Variants in GPBP1 observed in about 807,000 individuals in gnomAD.
GPBP1 encodes GC-rich promoter binding protein 1, also known as vasculin.
Under a neutral mutation model 56.5 loss-of-function variants are expected in GPBP1, and 13 were observed. That is an observed-to-expected ratio of 0.23 (90% CI 0.15 to 0.37). GPBP1 has a LOEUF of 0.37. Among genes scored for constraint, GPBP1 ranks in the 10% least tolerant of loss-of-function variants. GPBP1 has a pLI of 1.00. For synonymous variants in GPBP1, 204 were observed against 188.9 expected, an observed-to-expected ratio of 1.08 and a Z score of -0.66; for missense variants, 477 against 572.3, an observed-to-expected ratio of 0.83 and a Z score of 1.70.
chr5:57,257,194 C>T (rs1025297882), intron 10 of GPBP1, among the ~76,000 whole-genome samples: 2 of 152,130 alleles, frequency 1.3e-5, no homozygotes, highest in African/African-American at 4.8e-5. Flanking sequence ...GCCACAACAC[C>T]TGGCTAATTT....
intron 2 of GPBP1, among the ~76,000 whole-genome samples, chr5:57,176,804 T>G (rs1216798996): frequency 6.6e-6 from 1 of 152,224 alleles, no homozygotes; most frequent in Non-Finnish European, 1.5e-5. Context: ...GGTAGCCAGT[T>G]GACTTTGCAA....
intron 2 of GPBP1, among the ~76,000 whole-genome samples, chr5:57,191,998 T>C (rs993155259): frequency 6.6e-6 from 1 of 152,234 alleles, no homozygotes; most frequent in African/African-American, 2.4e-5. Flanking sequence ...CACAGAGCTT[T>C]AATTATTTTT....
In GPBP1 at chr5:57,175,574, T is replaced by G; in HGVS notation, c.-884T>G. ...TTTTGCCCCAGAAGTTTATTAAAAT[T>G]GGCAAGAATCGTCTGTGAAGTGAAT... is the stretch of plus-strand genomic sequence containing the variant. On this transcript the variant is annotated 5_prime_UTR_variant, in exon 2 of 12. It adds an upstream start codon to the 5' untranslated region. Transcript: ENST00000506184. 1 of 398,352 alleles carries G rather than the reference T, an allele frequency of 2.5e-6. No homozygotes were observed. The highest frequency in any genetic ancestry group is 4.4e-6 in the Non-Finnish European group (1 of 225,948). 24.7% of individuals were successfully genotyped at this position (398,352 alleles called of 1,614,324 possible). A position where few individuals can be genotyped will look rare whatever the true frequency, so the allele number is the denominator to read the frequency against.
At chr5:57,225,157 A>G (rs1329456730) in intron 3 of GPBP1, among the ~76,000 whole-genome samples, 1 of 152,138 alleles carries the variant, frequency 6.6e-6, no homozygotes, top group Non-Finnish European at 1.5e-5. Context: ...AAAAAGGAAG[A>G]TAGAAAACTG....
intron 10 of GPBP1, among the ~76,000 whole-genome samples, chr5:57,257,313 G>T (rs1051812915): frequency 2.0e-5 from 3 of 152,224 alleles, no homozygotes; most frequent in Non-Finnish European, 4.4e-5. Flanking sequence ...GGGATTACAG[G>T]CGTGAGCCAC....
chr5:57,175,417 C>G (rs928327419), intron 1 of GPBP1, 31 bp from the exon 2 acceptor site: 1 of 398,244 alleles, frequency 2.5e-6, no homozygotes, highest in Non-Finnish European at 4.4e-6. Flanking sequence ...AATCAAAACT[C>G]AGTATATAAT....
At chr5:57,184,399 T>C (rs1029947159) in intron 2 of GPBP1, among the ~76,000 whole-genome samples, 2 of 152,134 alleles carry the variant, frequency 1.3e-5, no homozygotes, top group African/African-American at 4.8e-5. Flanking sequence ...TGGCATCTGC[T>C]TGGCTTCTGG....
intron 4 of GPBP1, 33 bp downstream of exon 4, chr5:57,231,002 A>G: frequency 6.3e-7 from 1 of 1,585,546 alleles, no homozygotes; most frequent in Non-Finnish European, 8.6e-7. Context: ...GTTTATGGCT[A>G]ATTTTCTTTA....
chr5:57,227,033 C>G (rs1756230309), intron 3 of GPBP1, among the ~76,000 whole-genome samples: 1 of 151,652 alleles, frequency 6.6e-6, no homozygotes, highest in African/African-American at 2.4e-5. Flanking sequence ...GCCACCGTGC[C>G]CGGCCTGTAT....
At chr5:57,235,844 A>G (rs73127790) in intron 5 of GPBP1, 122 bp from the exon 6 acceptor site, 5 of 713,166 alleles carry the variant, frequency 7.0e-6, no homozygotes, top group Non-Finnish European at 9.6e-6. Context: ...GATTAGGGTT[A>G]TTCAACCTGT....
intron 2 of GPBP1, among the ~76,000 whole-genome samples, chr5:57,192,753 C>CAAAAAAAAA (rs70999061): frequency 9.7e-6 from 1 of 103,250 alleles, no homozygotes; most frequent in Admixed American, 1.1e-4. Flanking sequence ...AACTCCGTCT[C>CAAAAAAAAA]AAAAAAAAAA....
chr5:57,179,645 T>C (rs1394540805), intron 2 of GPBP1, among the ~76,000 whole-genome samples: 1 of 152,142 alleles, frequency 6.6e-6, no homozygotes, highest in African/African-American at 2.4e-5. Context: ...TTGCTGAGGG[T>C]GGAGTGCAAT....
intron 2 of GPBP1, among the ~76,000 whole-genome samples, chr5:57,184,931 T>C (rs1440941391): frequency 6.6e-6 from 1 of 152,240 alleles, no homozygotes; most frequent in African/African-American, 2.4e-5. Flanking sequence ...TTTCATTTTA[T>C]TTATTAACTC....
In GPBP1 at chr5:57,192,713, A is replaced by G. The variant is rs1159451838; in HGVS notation, c.-58+16313A>G. Among the ~76,000 whole-genome samples, 7 of 141,496 alleles carry G rather than the reference A, an allele frequency of 4.9e-5. No homozygotes were observed. The East Asian group carries it at 1.5e-3, about 30-fold the overall frequency. 92.8% of individuals were successfully genotyped at this position (141,496 alleles called of 152,430 possible). A position where few individuals can be genotyped will look rare whatever the true frequency, so the allele number is the denominator to read the frequency against. ...GGTTGCGGTGAGCTGCGATCACGCC[A>G]TTGCACTCCGGTCTGGGCAACGAGA... is the stretch of plus-strand genomic sequence containing the variant. On this transcript the variant is annotated intron_variant, in intron 2 of 11. Transcript: ENST00000506184.
rs543005934 is a variant in GPBP1, at chr5:57,229,230, C to CAAAAAAAAAAAAAA, written c.64-1592_64-1579dup. 4.4e-4 allele frequency among the ~76,000 whole-genome samples: 34 copies of CAAAAAAAAAAAAAA among 77,420 alleles called. 7 individuals carry two copies. The highest frequency in any genetic ancestry group is 7.5e-4 in the African/African-American group (15 of 19,870). 50.8% of individuals were successfully genotyped at this position (77,420 alleles called of 152,430 possible). A position where few individuals can be genotyped will look rare whatever the true frequency, so the allele number is the denominator to read the frequency against. On this transcript the variant is annotated intron_variant, in intron 3 of 11. Coordinates refer to ENST00000506184, the MANE Select transcript of GPBP1 (RefSeq NM_022913.4). ...TGGGCGACAGAACAAGACTCCATCT[C>CAAAAAAAAAAAAAA]AAAAAAAAAAAAAAAAAAAAAAAAA...
At position 57,226,491 on chromosome 5, in the gene GPBP1, G is replaced by T. The variant is rs572387749; in HGVS notation, c.64-4355G>T. The stretch of plus-strand genomic sequence containing the variant: ...GGAAAATTCAAATTCAGCCAAGAAT[G>T]TATAGGGCTGATGGGTAGATCATTG... On this transcript the variant is annotated intron_variant, in intron 3 of 11. Transcript: ENST00000506184. Among the ~76,000 whole-genome samples, 409 of 149,112 alleles carry T rather than the reference G, an allele frequency of 2.7e-3. 1 individual carries two copies. Among genetic ancestry groups the T allele is most frequent in the South Asian group, 9.3e-3 (43 of 4,614 alleles).
chr5:57,206,475 T>G (rs960610596), intron 2 of GPBP1, among the ~76,000 whole-genome samples: 2 of 152,178 alleles, frequency 1.3e-5, no homozygotes, highest in African/African-American at 4.8e-5. Flanking sequence ...CCCGGCTCAC[T>G]GCCACCTCTG....
chr5:57,235,885 G>C (rs1277238216), intron 5 of GPBP1, 81 bp from the exon 6 acceptor site: 1 of 994,714 alleles, frequency 1.0e-6, no homozygotes, highest in Non-Finnish European at 1.6e-6. Flanking sequence ...TGATTCATCA[G>C]TTACAACATG....
rs138585973 is a variant in GPBP1 at position 57,185,224 on chromosome 5, A to G, written c.-58+8824A>G. On this transcript the variant is annotated intron_variant, in intron 2 of 11. Transcript: ENST00000506184. ...TTAGTTGTTATCACCAGCCCTCTTT[A>G]AAATTTGTTTTTGGCAACCATCTTT... Among the ~76,000 whole-genome samples the G allele has an allele frequency of 3.0e-3, 453 of 150,862 alleles. 4 individuals carry two copies. The highest frequency in any genetic ancestry group is 0.011 in the African/African-American group (433 of 41,116).
Sources: gnomAD v4.1 joint callset for allele counts (sites outside exome capture counted in the v4.1 genomes callset) on GRCh38, gnomAD v4.1.1 for gene constraint, MANE v1.5 for transcripts, NCBI Gene and HGNC (gene_info 2026-07-23, HGNC 2026-07-21) for gene names.